The following NFIB variants were observed in gnomAD, a reference collection of about 807,000 sequenced individuals.
The protein encoded by NFIB is nuclear factor I B, also known as nuclear factor 1 B-type.
NFIB carries 11 observed loss-of-function variants against 61.5 expected under a neutral mutation model. The ratio of observed to expected loss-of-function variants is 0.18; its 90% confidence interval spans 0.11 to 0.30. The LOEUF is 0.30. Among genes scored for constraint, NFIB ranks in the 10% least tolerant of loss-of-function variants. NFIB has a pLI of 1.00. For missense variants in NFIB, 471 were observed against 608.9 expected (o/e 0.77, Z 2.38); for synonymous variants, 260 against 216.5 (o/e 1.20, Z -1.76).
the NFIB span, among the ~76,000 whole-genome samples, chr9:14,424,983 C>T: frequency 3.9e-5 from 6 of 152,200 alleles, no homozygotes; most frequent in South Asian, 4.2e-4. Flanking sequence ...AATCTCCCCC[C>T]CTGGGCCTTT....
At chr9:14,504,337 T>C in the NFIB span, among the ~76,000 whole-genome samples, 24 of 152,318 alleles carry the variant, frequency 1.6e-4, no homozygotes, top group South Asian at 8.3e-4. Flanking sequence ...ATATGAATCT[T>C]AGAATTGTGT....
At chr9:14,116,845 G>A (rs949732109) in intron 8 of NFIB, among the ~76,000 whole-genome samples, 1 of 152,076 alleles carries the variant, frequency 6.6e-6, no homozygotes, top group African/African-American at 2.4e-5. Context: ...CAAATACAAC[G>A]AATTCTGGAA....
the NFIB span, among the ~76,000 whole-genome samples, chr9:14,438,179 T>C: frequency 2.0e-5 from 3 of 152,112 alleles, no homozygotes; most frequent in Non-Finnish European, 4.4e-5. Flanking sequence ...TACCAAGGAT[T>C]GCTCATATAC....
chr9:14,316,766 A>G (rs57656979), upstream of NFIB, among the ~76,000 whole-genome samples: 3,671 of 151,706 alleles, frequency 0.024, 156 homozygotes, highest in African/African-American at 0.085. Flanking sequence ...CACCCTCACC[A>G]GATTCTGAGG....
At chr9:14,191,895 A>G (rs974039879) in intron 2 of NFIB, among the ~76,000 whole-genome samples, 1 of 152,220 alleles carries the variant, frequency 6.6e-6, no homozygotes, top group African/African-American at 2.4e-5. Context: ...TTGCCTTCCA[A>G]TCCAATCAAA....
intron 1 of NFIB, among the ~76,000 whole-genome samples, chr9:14,388,540 G>A (rs922175792): frequency 6.6e-6 from 1 of 151,000 alleles, no homozygotes; most frequent in South Asian, 2.1e-4. Flanking sequence ...AAGGGAAGGA[G>A]GGAAAAATGC....
At chr9:14,431,016 T>C in the NFIB span, among the ~76,000 whole-genome samples, 2 of 152,222 alleles carry the variant, frequency 1.3e-5, no homozygotes, top group Non-Finnish European at 2.9e-5. Flanking sequence ...TAATGGGGCC[T>C]TTGAGATATT....
At chr9:14,315,288 G>C (rs1041072430), upstream of NFIB, among the ~76,000 whole-genome samples, 1 of 151,154 alleles carries the variant, frequency 6.6e-6, no homozygotes, top group South Asian at 2.1e-4. Context: ...CTTCGCCGCG[G>C]TTTGCCGCCC....
the NFIB span, among the ~76,000 whole-genome samples, chr9:14,414,441 A>C: frequency 6.6e-6 from 1 of 150,646 alleles, no homozygotes; most frequent in South Asian, 2.1e-4. Context: ...CAAAAAAAAA[A>C]AAAAAAAAAA....
At chr9:14,414,265 T>C in the NFIB span, among the ~76,000 whole-genome samples, 6 of 151,828 alleles carry the variant, frequency 4.0e-5, no homozygotes, top group Non-Finnish European at 8.8e-5. Context: ...TGAAACCTCA[T>C]CTCTACTAAA....
intron 1 of NFIB, among the ~76,000 whole-genome samples, chr9:14,321,731 C>A (rs1331688662): frequency 1.3e-5 from 2 of 152,128 alleles, no homozygotes; most frequent in African/African-American, 4.8e-5. Flanking sequence ...AAGTTGCCAA[C>A]GCTAAATAAT....
chr9:14,313,858 T>C lies in NFIB; in HGVS notation c.-347A>G. 1 of 1,209,196 alleles carries C rather than the reference T, an allele frequency of 8.3e-7. No homozygotes were observed. Among genetic ancestry groups the C allele is most frequent in the Non-Finnish European group, 1.0e-6 (1 of 966,776 alleles). The allele number at this position is 1,209,196 out of a possible 1,614,324, so 74.9% of individuals were successfully genotyped here. A position where few individuals can be genotyped will look rare whatever the true frequency, so the allele number is the denominator to read the frequency against. On this transcript the variant is annotated 5_prime_UTR_variant, in exon 1 of 11. Coordinates refer to ENST00000380953, the MANE Select transcript of NFIB (RefSeq NM_001190737.2). The surrounding 1 kb of genome is among the most constrained non-coding windows in gnomAD (Gnocchi z 4.5). ...TTGTTTTCTATTTTGCAGTTGTTGT[T>C]GTTGTTGGGGTGTAGGGGGTGCGCG...
At chr9:14,240,306 T>C (rs528765413) in intron 2 of NFIB, among the ~76,000 whole-genome samples, 18 of 152,272 alleles carry the variant, frequency 1.2e-4, no homozygotes, top group African/African-American at 3.8e-4. Context: ...TACCCTACTA[T>C]ATATCCTGCC....
At chr9:14,244,449 T>C (rs10961447) in intron 2 of NFIB, among the ~76,000 whole-genome samples, 24,914 of 152,220 alleles carry the variant, frequency 0.16, 2,197 homozygotes, top group Middle Eastern at 0.2. Flanking sequence ...CTTACCCACA[T>C]ACTTTCTCAT....
intron 2 of NFIB, among the ~76,000 whole-genome samples, chr9:14,206,177 C>CT (rs57849439): frequency 0.023 from 3,048 of 135,168 alleles, 43 homozygotes; most frequent in Middle Eastern, 0.085. Context: ...CTCTCTCTCT[C>CT]TTTTTTTTTT....
At chr9:14,479,530 T>C in the NFIB span, among the ~76,000 whole-genome samples, 1 of 152,204 alleles carries the variant, frequency 6.6e-6, no homozygotes, top group African/African-American at 2.4e-5. Context: ...GACAGTTCCT[T>C]GCACATGTTG....
intron 2 of NFIB, among the ~76,000 whole-genome samples, chr9:14,218,127 G>A (rs919044721): frequency 2.0e-5 from 3 of 152,146 alleles, no homozygotes; most frequent in African/African-American, 7.2e-5. Context: ...AGAATAATGA[G>A]CTGAGAGCTC....
chr9:14,395,906 G>A (rs1378606510), intron 1 of NFIB, among the ~76,000 whole-genome samples: 1 of 151,276 alleles, frequency 6.6e-6, no homozygotes, highest in South Asian at 2.1e-4. Context: ...GTGGGTGGGG[G>A]TGGGGATCGG....
the NFIB span, among the ~76,000 whole-genome samples, chr9:14,470,115 T>C: frequency 6.6e-6 from 1 of 152,166 alleles, no homozygotes; most frequent in Non-Finnish European, 1.5e-5. Context: ...AAATGAAAGA[T>C]CACATTGATA....
Sources: allele counts gnomAD v4.1 joint callset (sites outside exome capture counted in the v4.1 genomes callset), GRCh38; gene constraint gnomAD v4.1.1; non-coding constraint Gnocchi (gnomAD v3.1); transcripts MANE v1.5; gene names NCBI Gene and HGNC (gene_info 2026-07-23, HGNC 2026-07-21).